Variants in ATXN2 observed in about 807,000 individuals in gnomAD.
ATXN2 encodes ataxin-2.
A neutral mutation model predicts 138.6 loss-of-function variants in ATXN2; 37 were observed. The ratio of observed to expected loss-of-function variants is 0.27; its 90% confidence interval spans 0.21 to 0.35. The LOEUF is 0.35. Ranked by LOEUF, ATXN2 falls within the 10% of genes least tolerant of loss-of-function variation. The probability of loss-of-function intolerance (pLI) is 1.00; values close to 1 mark genes in which losing one functional copy is unlikely to be tolerated. For missense variants in ATXN2, 1,216 were observed against 1,480.3 expected (o/e 0.82, Z 2.93); for synonymous variants, 549 against 543.7 (o/e 1.01, Z -0.13).
intron 1 of ATXN2, among the ~76,000 whole-genome samples, chr12:111,579,735 G>A (rs972810671): frequency 9.5e-5 from 14 of 147,692 alleles, no homozygotes; most frequent in Middle Eastern, 3.5e-3. Context: ...GTCTCACTAT[G>A]TCACCCAGGC....
intron 20 of ATXN2, among the ~76,000 whole-genome samples, chr12:111,468,018 T>A (rs1876141485): frequency 6.6e-6 from 1 of 152,236 alleles, no homozygotes; most frequent in Non-Finnish European, 1.5e-5. Flanking sequence ...AAGTTTCAGA[T>A]CTGATTCCAA....
intron 1 of ATXN2, among the ~76,000 whole-genome samples, chr12:111,596,705 A>G (rs759132872): frequency 6.6e-6 from 1 of 152,244 alleles, no homozygotes; most frequent in African/African-American, 2.4e-5. Flanking sequence ...ATCAGAAAGA[A>G]TAAGGGCTGC....
chr12:111,564,545 A>G (rs1297132608), intron 1 of ATXN2, among the ~76,000 whole-genome samples: 4 of 151,912 alleles, frequency 2.6e-5, no homozygotes, highest in Admixed American at 2.6e-4. Flanking sequence ...TAAAATACTT[A>G]TTACCTGAGA....
chr12:111,579,170 A>G (rs1883846964), intron 1 of ATXN2, among the ~76,000 whole-genome samples: 1 of 152,238 alleles, frequency 6.6e-6, no homozygotes, highest in African/African-American at 2.4e-5. Flanking sequence ...CACTTGCCAC[A>G]AAACCCAGCA....
rs753780233 is a variant in ATXN2, at chr12:111,470,187, T to C, written c.2763A>G (p.Pro921=). ...CTAAACCAGGCTGGGCGTGTGTTGG[T>C]GGTGCCATCATTCTAGCATTACCCT... ...VIQGNARMMA[P]PTHAQPGLVS... The change falls in exon 20 of 25, where the codon CCA becomes CCG. Residue 921 remains proline (P), a synonymous_variant. Transcript: ENST00000673436. 2.5e-6 allele frequency: 4 copies of C among 1,614,014 alleles called. No homozygotes were observed. The highest frequency in any genetic ancestry group is 1.3e-5 in the African/African-American group (1 of 74,916).
intron 5 of ATXN2, among the ~76,000 whole-genome samples, chr12:111,540,713 T>G (rs956275594): frequency 1.3e-4 from 19 of 147,582 alleles, no homozygotes; most frequent in Non-Finnish European, 2.9e-4. Context: ...TTTTTTTTTT[T>G]TGAGATGGAG....
chr12:111,555,844 T>G, intron 2 of ATXN2, 39 bp downstream of exon 2: 1 of 1,542,966 alleles, frequency 6.5e-7, no homozygotes, highest in Non-Finnish European at 8.8e-7. Flanking sequence ...ATGTTTTAGC[T>G]ACTAATTTTC....
Position 111,452,651 on chromosome 12 carries a change from C to T in ATXN2, c.*161G>A. 1.2e-6 allele frequency: 1 copy of T among 817,590 alleles called. No individual in the cohort carries two copies. Among genetic ancestry groups the T allele is most frequent in the Middle Eastern group, 3.4e-4 (1 of 2,936 alleles). The allele number at this position is 817,590 out of a possible 1,614,324, so 50.6% of individuals were successfully genotyped here. On this transcript the variant is annotated 3_prime_UTR_variant, in exon 25 of 25. Transcript: ENST00000673436. ...GCCTCTACTCGGTCCAAGTATCTTC[C>T]ACTGCAAGTGAACTGTTAGCATTCC...
Position 111,552,858 on chromosome 12 carries a change from GA to G in ATXN2, c.420+47del. On this transcript the variant is annotated intron_variant, in intron 4 of 24. Transcript: ENST00000673436. This position sits in a 1 kb window ranked among gnomAD's most constrained non-coding sequence, Gnocchi z 4.1. ...AAAAACTAGGTAAAACACTGACTAT[GA>G]AAATGTTCTTTTACTTTGTAAGAAA... 1 of 1,306,130 alleles carries G rather than the reference GA, an allele frequency of 7.7e-7. No homozygotes were observed. Among genetic ancestry groups the G allele is most frequent in the Non-Finnish European group, 1.1e-6 (1 of 949,124 alleles). 80.9% of individuals were successfully genotyped at this position (1,306,130 alleles called of 1,614,324 possible).
intron 15 of ATXN2, 56 bp downstream of exon 15, chr12:111,488,420 T>TAAA: frequency 9.3e-7 from 1 of 1,079,984 alleles, no homozygotes; most frequent in Non-Finnish European, 1.3e-6. Flanking sequence ...TAAATGCCTT[T>TAAA]AAAAAAAAAA....
In ATXN2 at chr12:111,453,841, T is replaced by C. The variant is rs773116244; in HGVS notation, c.3275A>G (p.His1092Arg). 2.5e-6 allele frequency: 4 copies of C among 1,608,994 alleles called. No homozygotes were observed. The South Asian group carries it at 3.3e-5, about 13-fold the overall frequency. ...AGAAGGAACCATTCCTGACTGTACATGAGCCTGAAACAGAGAGCTCTTTTA... is the reference window on the plus strand; with the variant it reads ...AGAAGGAACCATTCCTGACTGTACACGAGCCTGAAACAGAGAGCTCTTTTA... ...PPHMAHVPQA[H>R]VQSGMVPSHP... Residue 1092 changes from histidine to arginine, a missense_variant, in exon 24 of 25, where the codon CAT becomes CGT. His to Arg is a conservative substitution (Grantham distance 29). Around this residue, in one of 4 missense-constraint regions of ATXN2, gnomAD observed 490 missense variants for 653.5 expected, o/e 0.75. Transcript: ENST00000673436. This position sits in a 1 kb window ranked among gnomAD's most constrained non-coding sequence, Gnocchi z 5.4.
chr12:111,581,792 TA>T, intron 1 of ATXN2: 1 of 525,234 alleles, frequency 1.9e-6, no homozygotes. Context: ...CAGGAGGCAT[TA>T]TCTAGGCCAG....
rs1041959741 is a variant in ATXN2 at position 111,520,185 on chromosome 12, C to A, written c.789-109G>T. On this transcript the variant is annotated intron_variant, in intron 7 of 24. Transcript: ENST00000673436. ...TTAGAGTTTAGAATACTGGTAAAAACAGAAACTAAAACTAAAACTAAAACT... is the reference window on the plus strand; with the variant it reads ...TTAGAGTTTAGAATACTGGTAAAAAAAGAAACTAAAACTAAAACTAAAACT... The A allele has an allele frequency of 4.4e-6, 6 of 1,354,066 alleles. No individual in the cohort carries two copies. The Admixed American group carries it at 9.8e-5, about 22-fold the overall frequency. The allele number at this position is 1,354,066 out of a possible 1,614,324, so 83.9% of individuals were successfully genotyped here.
rs781342951 is a variant in ATXN2 at position 111,598,957 on chromosome 12, CTGCTGCTGCTGCTGCTGCTGT to C, written c.57_77del (p.Gln22_Gln28del). The C allele has an allele frequency of 7.9e-5, 117 of 1,480,194 alleles. No homozygotes were observed. The highest frequency in any genetic ancestry group is 6.7e-4 in the South Asian group (53 of 79,478). 91.7% of individuals were successfully genotyped at this position (1,480,194 alleles called of 1,614,324 possible). A position where few individuals can be genotyped will look rare whatever the true frequency, so the allele number is the denominator to read the frequency against. ...TGGCAGCCGCGGGCGGCGGCTGCTG[CTGCTGCTGCTGCTGCTGCTGT>C]TGCTGCTGCTGCTGCTGCTGCTGCT... On this transcript the variant is annotated inframe_deletion, in exon 1 of 25. Coordinates refer to ENST00000673436, the MANE Select transcript of ATXN2 (RefSeq NM_001372574.1). This position sits in a 1 kb window ranked among gnomAD's most constrained non-coding sequence, Gnocchi z 4.5.
At chr12:111,489,978 G>C (rs1263054969) in intron 14 of ATXN2, among the ~76,000 whole-genome samples, 4 of 151,748 alleles carry the variant, frequency 2.6e-5, no homozygotes, top group Admixed American at 2.0e-4. Context: ...CAAGGCAGGT[G>C]GATCACTTGA....
chr12:111,579,221 T>G (rs1209171570), intron 1 of ATXN2, among the ~76,000 whole-genome samples: 1 of 152,164 alleles, frequency 6.6e-6, no homozygotes, highest in Non-Finnish European at 1.5e-5. Flanking sequence ...AATAAAATCA[T>G]ATGTTCACAC....
chr12:111,598,251 T>G lies in ATXN2; in HGVS notation c.251+533A>C, dbSNP rs1474712523. On this transcript the variant is annotated intron_variant, in intron 1 of 24. Coordinates refer to ENST00000673436, the MANE Select transcript of ATXN2 (RefSeq NM_001372574.1). This position sits in a 1 kb window ranked among gnomAD's most constrained non-coding sequence, Gnocchi z 4.5. ...AGAGAGCCCCGACAGACCCTGATGATTCCGGAGGAGCCCGGTGCCTACCCC... is the reference window on the plus strand; with the variant it reads ...AGAGAGCCCCGACAGACCCTGATGAGTCCGGAGGAGCCCGGTGCCTACCCC... The G allele has an allele frequency of 9.7e-7, 1 of 1,027,344 alleles. No individual in the cohort carries two copies. The highest frequency in any genetic ancestry group is 9.1e-5 in the East Asian group (1 of 10,980). The allele number at this position is 1,027,344 out of a possible 1,614,324, so 63.6% of individuals were successfully genotyped here. A position where few individuals can be genotyped will look rare whatever the true frequency, so the allele number is the denominator to read the frequency against.
intron 1 of ATXN2, among the ~76,000 whole-genome samples, chr12:111,563,025 C>T (rs757726372): frequency 3.3e-5 from 5 of 152,152 alleles, no homozygotes; most frequent in Non-Finnish European, 7.4e-5. Context: ...TTTCTGATAT[C>T]ATGCAATGAG....
chr12:111,485,473 T>G, intron 17 of ATXN2, 142 bp from the exon 18 acceptor site: 1 of 952,402 alleles, frequency 1.0e-6, no homozygotes, highest in Non-Finnish European at 1.6e-6. Context: ...AATTAGATCA[T>G]ACCCACAGCT....
Sources: allele counts gnomAD v4.1 joint callset (sites outside exome capture counted in the v4.1 genomes callset), GRCh38; gene constraint gnomAD v4.1.1; regional missense constraint gnomAD v4.1.1; non-coding constraint Gnocchi (gnomAD v3.1); transcripts MANE v1.5; gene names NCBI Gene and HGNC (gene_info 2026-07-23, HGNC 2026-07-21).